Variants in ARFIP1 observed in about 807,000 individuals in gnomAD.
ARFIP1 encodes the protein ARF interacting protein 1, also known as arfaptin-1.
In ARFIP1, 24 loss-of-function variants were observed where a neutral mutation model predicts 42.5. The ratio of observed to expected loss-of-function variants is 0.57; its 90% CI spans 0.41 to 0.80. The LOEUF is 0.80. Ranked by LOEUF, ARFIP1 falls within the 30% of genes least tolerant of loss-of-function variation. The pLI is 0.00. For missense variants in ARFIP1, 354 were observed against 434.0 expected (o/e 0.82, Z 1.64); for synonymous variants, 141 against 153.7 (o/e 0.92, Z 0.61).
At chr4:152,856,011 T>C (rs541879475) in intron 2 of ARFIP1, among the ~76,000 whole-genome samples, 28 of 152,284 alleles carry the variant, frequency 1.8e-4, no homozygotes, top group African/African-American at 6.7e-4. Flanking sequence ...TTTTGGTTCT[T>C]CTTAATGGAG....
In ARFIP1 at chr4:152,810,604, C is replaced by T. The variant is rs539618639; in HGVS notation, c.-9-19021C>T. Among the ~76,000 whole-genome samples, 13 of 151,348 alleles carry T rather than the reference C, an allele frequency of 8.6e-5. No homozygotes were observed. The South Asian group carries it at 1.2e-3, about 15-fold the overall frequency. On this transcript the variant is annotated intron_variant, in intron 1 of 8. Coordinates refer to ENST00000353617, the MANE Select transcript of ARFIP1 (RefSeq NM_001025595.3). ...CGGGTGGATCATGAGGTCAGGAGATCGAGACCATCCTGGCTAACATGGTGA... is the reference window on the plus strand; with the variant it reads ...CGGGTGGATCATGAGGTCAGGAGATTGAGACCATCCTGGCTAACATGGTGA...
chr4:152,790,803 G>A (rs920626705), intron 1 of ARFIP1, among the ~76,000 whole-genome samples: 2 of 141,932 alleles, frequency 1.4e-5, no homozygotes, highest in Admixed American at 7.4e-5. Context: ...TCACAGTCTC[G>A]GCTTACTGCA....
At chr4:152,884,281 T>C (rs1458443695) in intron 7 of ARFIP1, among the ~76,000 whole-genome samples, 4 of 151,998 alleles carry the variant, frequency 2.6e-5, no homozygotes, top group Non-Finnish European at 5.9e-5. Flanking sequence ...TTCTCAGTAA[T>C]TGGTGTTTCA....
At chr4:152,826,425 T>C (rs1177036338) in intron 1 of ARFIP1, among the ~76,000 whole-genome samples, 1 of 152,082 alleles carries the variant, frequency 6.6e-6, no homozygotes, top group Non-Finnish European at 1.5e-5. Context: ...TAGCTGTGGG[T>C]ACACGAAGCC....
rs193215365 is a variant in ARFIP1 at position 152,805,919 on chromosome 4, G to A, written c.-9-23706G>A. Among the ~76,000 whole-genome samples the A allele has an allele frequency of 8.7e-4, 133 of 152,312 alleles. 2 individuals carry two copies. Among genetic ancestry groups the A allele is most frequent in the Admixed American group, 8.7e-3 (133 of 15,294 alleles). On this transcript the variant is annotated intron_variant, in intron 1 of 8. Transcript: ENST00000353617. ...ATTTTGAGCTTTTATGTAATACAAGGCGGGCTCTGCCCTTTCCCAAGCCTC... is the reference window on the plus strand; with the variant it reads ...ATTTTGAGCTTTTATGTAATACAAGACGGGCTCTGCCCTTTCCCAAGCCTC...
chr4:152,844,485 T>C (rs1000956080), intron 2 of ARFIP1, among the ~76,000 whole-genome samples: 1 of 152,186 alleles, frequency 6.6e-6, no homozygotes, highest in African/African-American at 2.4e-5. Flanking sequence ...TTGATTTAAA[T>C]TAAATTCTCT....
chr4:152,840,748 C>T (rs1399132577), intron 2 of ARFIP1, among the ~76,000 whole-genome samples: 60 of 133,670 alleles, frequency 4.5e-4, no homozygotes, highest in African/African-American at 1.5e-3. Context: ...GACAGCGTCT[C>T]GCTCTTGTTG....
At chr4:152,833,424 G>C (rs1731403486) in intron 2 of ARFIP1, among the ~76,000 whole-genome samples, 3 of 152,162 alleles carry the variant, frequency 2.0e-5, no homozygotes, top group Non-Finnish European at 4.4e-5. Context: ...GGAAATGTCA[G>C]TTGGTACATC....
intron 2 of ARFIP1, among the ~76,000 whole-genome samples, chr4:152,846,629 T>C (rs1442056090): frequency 6.6e-6 from 1 of 152,204 alleles, no homozygotes; most frequent in Non-Finnish European, 1.5e-5. Context: ...AATTCATTTT[T>C]CTATTTTAAT....
intron 8 of ARFIP1, among the ~76,000 whole-genome samples, chr4:152,904,573 A>G (rs1738146991): frequency 6.6e-6 from 1 of 151,906 alleles, no homozygotes; most frequent in Non-Finnish European, 1.5e-5. Flanking sequence ...GACAGGCCCC[A>G]GTGTGTGTTG....
chr4:152,845,935 A>G (rs563397445), intron 2 of ARFIP1, among the ~76,000 whole-genome samples: 14 of 152,334 alleles, frequency 9.2e-5, no homozygotes, highest in South Asian at 2.1e-4. Flanking sequence ...GAGTCATACA[A>G]TCAATCTAGG....
chr4:152,853,327 G>A (rs141907208), intron 2 of ARFIP1, among the ~76,000 whole-genome samples: 3 of 152,214 alleles, frequency 2.0e-5, no homozygotes, highest in South Asian at 2.1e-4. Flanking sequence ...CAGGTTTAGC[G>A]CTCCGTTGAG....
At chr4:152,822,526 A>G (rs1277600197) in intron 1 of ARFIP1, among the ~76,000 whole-genome samples, 4 of 152,214 alleles carry the variant, frequency 2.6e-5, no homozygotes, top group African/African-American at 9.7e-5. Context: ...AAGTCAACAA[A>G]GAAACACTGG....
intron 1 of ARFIP1, among the ~76,000 whole-genome samples, chr4:152,794,413 G>C (rs1043381801): frequency 6.6e-6 from 1 of 152,068 alleles, no homozygotes; most frequent in African/African-American, 2.4e-5. Context: ...CTGAGCCTAT[G>C]CATTTTTGGC....
chr4:152,846,412 T>G (rs1218226007), intron 2 of ARFIP1, among the ~76,000 whole-genome samples: 1 of 152,146 alleles, frequency 6.6e-6, no homozygotes, highest in Non-Finnish European at 1.5e-5. Context: ...ATATGAGTCA[T>G]TTACATATTT....
intron 8 of ARFIP1, among the ~76,000 whole-genome samples, chr4:152,902,319 T>C (rs1737905785): frequency 6.6e-6 from 1 of 152,126 alleles, no homozygotes; most frequent in Admixed American, 6.5e-5. Context: ...CTGAGTGACA[T>C]AGAGAGACCC....
At chr4:152,881,228 A>G (rs1735822933) in intron 6 of ARFIP1, 44 bp downstream of exon 6, 8 of 1,412,304 alleles carry the variant, frequency 5.7e-6, no homozygotes, top group African/African-American at 1.4e-5. Context: ...AGAAAATGAT[A>G]ATAGAAGTAT....
At chr4:152,909,706 C>A (rs760843954) in intron 8 of ARFIP1, among the ~76,000 whole-genome samples, 1 of 152,162 alleles carries the variant, frequency 6.6e-6, no homozygotes, top group Admixed American at 6.5e-5. Context: ...CATTGTGTAG[C>A]AATTATATAT....
At chr4:152,821,229 C>T (rs1730341454) in intron 1 of ARFIP1, among the ~76,000 whole-genome samples, 1 of 152,066 alleles carries the variant, frequency 6.6e-6, no homozygotes, top group Non-Finnish European at 1.5e-5. Context: ...AAGGCTAAAA[C>T]CAACATAAAT....
Sources: gnomAD v4.1 joint callset for allele counts (sites outside exome capture counted in the v4.1 genomes callset) on GRCh38, gnomAD v4.1.1 for gene constraint, MANE v1.5 for transcripts, NCBI Gene and HGNC (gene_info 2026-07-23, HGNC 2026-07-21) for gene names.